PTPN21: variants seen among roughly 807,000 people sequenced by gnomAD.
The protein encoded by PTPN21 is protein tyrosine phosphatase non-receptor type 21, also known as tyrosine-protein phosphatase non-receptor type 21.
In PTPN21, 77 loss-of-function variants were observed where a neutral mutation model predicts 131.8. That is an observed-to-expected ratio of 0.58 (90% CI 0.49 to 0.71). PTPN21 has a LOEUF of 0.71. Ranked by LOEUF, PTPN21 falls within the 30% of genes least tolerant of loss-of-function variation. PTPN21 has a pLI of 0.00. For missense variants in PTPN21, 1,552 were observed against 1,527.1 expected (o/e 1.02, Z -0.27); for synonymous variants, 715 against 621.3 (o/e 1.15, Z -2.24).
chr14:88,540,328 T>C (rs564191000), intron 2 of PTPN21, among the ~76,000 whole-genome samples: 1 of 152,340 alleles, frequency 6.6e-6, no homozygotes, highest in South Asian at 2.1e-4. Context: ...GGGTTACACA[T>C]ATGTAAAGCA....
rs778509092 is a variant in PTPN21, at chr14:88,479,283, G to C, written c.2148C>G (p.Asp716Glu). ...CCCCGCTCTCCTCCTCGAAGTCCTCGTCCTCCTCCTCCTCGCTGCTGTGGA... is the reference window on the plus strand; with the variant it reads ...CCCCGCTCTCCTCCTCGAAGTCCTCCTCCTCCTCCTCCTCGCTGCTGTGGA... Reference protein sequence around the residue: ...MLIHSSEEEEDEDFEEESGAR... With the variant: ...MLIHSSEEEEEEDFEEESGAR... The change falls in exon 13 of 19, where the codon GAC becomes GAG. Residue 716 changes from aspartate (D) to glutamate (E), a missense_variant. By Grantham distance (45) the Asp-to-Glu change is conservative (BLOSUM62 2). Around this residue, in one of 4 missense-constraint regions of PTPN21, gnomAD observed 1,016 missense variants for 883.5 expected, o/e 1.15. Transcript: ENST00000556564. The C allele has an allele frequency of 1.9e-6, 3 of 1,604,588 alleles. No individual in the cohort carries two copies. Among genetic ancestry groups the C allele is most frequent in the South Asian group, 1.1e-5 (1 of 90,176 alleles).
intron 2 of PTPN21, among the ~76,000 whole-genome samples, chr14:88,521,061 G>C (rs1279590036): frequency 1.3e-5 from 2 of 151,666 alleles, no homozygotes; most frequent in Non-Finnish European, 2.9e-5. Flanking sequence ...TGCCCAGGCT[G>C]ATCTTAAACT....
chr14:88,552,077 GGA>G (rs2078877437), intron 1 of PTPN21: 1 of 152,210 alleles, frequency 6.6e-6, no homozygotes, highest in Admixed American at 6.5e-5. Context: ...GGGACCGCGC[GGA>G]GAGGCAAGAT....
rs564911908 is a variant in PTPN21, at chr14:88,549,614, A to T, written c.180+624T>A. 4.0e-5 allele frequency among the ~76,000 whole-genome samples: 6 copies of T among 151,628 alleles called. No individual in the cohort carries two copies. The East Asian group carries it at 1.2e-3, about 29-fold the overall frequency. On this transcript the variant is annotated intron_variant, in intron 2 of 18. Transcript: ENST00000556564. The stretch of plus-strand genomic sequence containing the variant: ...GTCGTGTTTTTTTTATTTATTTTTA[A>T]TTTTTTTTGAGACAGAGTTTGTTGC...
intron 2 of PTPN21, among the ~76,000 whole-genome samples, chr14:88,542,277 A>T (rs2078717917): frequency 6.6e-6 from 1 of 152,224 alleles, no homozygotes; most frequent in African/African-American, 2.4e-5. Flanking sequence ...CAGAAAGTCA[A>T]AGCTTCTAGA....
intron 6 of PTPN21, among the ~76,000 whole-genome samples, chr14:88,501,871 G>C (rs2078013828): frequency 6.6e-6 from 1 of 151,960 alleles, no homozygotes; most frequent in Admixed American, 6.6e-5. Flanking sequence ...TATAGTCCCA[G>C]CAGCTTGGAA....
rs765043369 is a variant in PTPN21 at position 88,501,265 on chromosome 14, G to A, written c.675+16C>T. 24 of 1,596,050 alleles carry A rather than the reference G, an allele frequency of 1.5e-5. No individual in the cohort carries two copies. Among genetic ancestry groups the A allele is most frequent in the South Asian group, 6.6e-5 (6 of 90,360 alleles). ...AGCCTAACTTTAAAGAGCCCCAGCC[G>A]CCAAGCCACACTTACCTTAGCAGGG... is the stretch of plus-strand genomic sequence containing the variant. On this transcript the variant is annotated intron_variant, in intron 7 of 18. Transcript: ENST00000556564.
At chr14:88,519,042 G>T (rs1234395419) in intron 2 of PTPN21, among the ~76,000 whole-genome samples, 2 of 151,956 alleles carry the variant, frequency 1.3e-5, no homozygotes. Context: ...GACTAATGCA[G>T]TAAAATAACG....
At chr14:88,519,768 T>G (rs1037106277) in intron 2 of PTPN21, among the ~76,000 whole-genome samples, 7 of 152,220 alleles carry the variant, frequency 4.6e-5, no homozygotes, top group Non-Finnish European at 1.0e-4. Flanking sequence ...TTTTGTTGAA[T>G]GTAAAGAAGG....
intron 12 of PTPN21, among the ~76,000 whole-genome samples, chr14:88,481,599 G>A (rs1028974591): frequency 1.3e-5 from 2 of 152,242 alleles, no homozygotes; most frequent in Non-Finnish European, 2.9e-5. Context: ...GGAAAGGTAT[G>A]CATGAAATCA....
At chr14:88,548,518 A>G (rs965612268) in intron 2 of PTPN21, among the ~76,000 whole-genome samples, 3 of 152,136 alleles carry the variant, frequency 2.0e-5, no homozygotes, top group African/African-American at 7.2e-5. Flanking sequence ...CCTCTGGCCT[A>G]TAGCACACCC....
chr14:88,524,651 A>G (rs1123421), intron 2 of PTPN21, among the ~76,000 whole-genome samples: 37,521 of 152,126 alleles, frequency 0.25, 4,732 homozygotes, highest in East Asian at 0.32. Flanking sequence ...TGATGCCTGT[A>G]ATCCTAGCAC....
At chr14:88,518,414 A>ATTT (rs869305749) in intron 2 of PTPN21, among the ~76,000 whole-genome samples, 2 of 10,790 alleles carry the variant, frequency 1.9e-4, no homozygotes, top group Non-Finnish European at 1.9e-4. Context: ...ATATATATAT[A>ATTT]TTTTTTTTTT....
chr14:88,520,720 T>C (rs1204508114), intron 2 of PTPN21, among the ~76,000 whole-genome samples: 1 of 152,120 alleles, frequency 6.6e-6, no homozygotes, highest in African/African-American at 2.4e-5. Context: ...AGGAGTGAAA[T>C]GGTAAAGTCA....
Position 88,473,805 on chromosome 14 carries a change from G to A in PTPN21, c.2512-3C>T. 1 of 1,599,810 alleles carries A rather than the reference G, an allele frequency of 6.3e-7. No individual in the cohort carries two copies. Among genetic ancestry groups the A allele is most frequent in the Non-Finnish European group, 8.5e-7 (1 of 1,176,308 alleles). ...TCTACTCGAGTCTTTTTCATTCCCT[G>A]TAAAAGGATTTATATGTATATATGA... On this transcript the variant is annotated splice_region_variant and splice_polypyrimidine_tract_variant and intron_variant, in intron 13 of 18. Transcript: ENST00000556564.
intron 3 of PTPN21, chr14:88,513,805 A>G (rs909526502): frequency 2.0e-5 from 3 of 152,230 alleles, no homozygotes; most frequent in African/African-American, 7.2e-5. Flanking sequence ...TCATTGCCTC[A>G]TATTTCCTTT....
At position 88,480,273 on chromosome 14, in the gene PTPN21, G is replaced by A. The variant is rs750511164; in HGVS notation, c.1158C>T (p.Asn386=). Residue 386 remains asparagine, a synonymous_variant, in exon 13 of 19, where the codon AAC becomes AAT. Coordinates refer to ENST00000556564, the MANE Select transcript of PTPN21 (RefSeq NM_007039.4). ...TSLDRAQIDL[N]GRIRNGSVYS... ...AGACACTGCCATTACGGATCCGACC[G>A]TTGAGGTCAATCTGGGCTCTATCCA... The A allele has an allele frequency of 3.7e-6, 6 of 1,614,042 alleles. No homozygotes were observed. The highest frequency in any genetic ancestry group is 1.1e-5 in the South Asian group (1 of 91,082).
chr14:88,476,599 G>A (rs558163166), intron 13 of PTPN21, among the ~76,000 whole-genome samples: 2 of 152,282 alleles, frequency 1.3e-5, no homozygotes, highest in East Asian at 1.9e-4. Context: ...AGCAGGCAGC[G>A]AAGGGATGAC....
intron 4 of PTPN21, among the ~76,000 whole-genome samples, chr14:88,506,568 G>A (rs1424777071): frequency 1.3e-5 from 2 of 152,024 alleles, no homozygotes; most frequent in East Asian, 3.9e-4. Flanking sequence ...GTGAGACACC[G>A]CACCCAGCCA....
Sources: gnomAD v4.1 joint callset for allele counts (sites outside exome capture counted in the v4.1 genomes callset) on GRCh38, gnomAD v4.1.1 for gene constraint, gnomAD v4.1.1 regional missense constraint, MANE v1.5 for transcripts, NCBI Gene and HGNC (gene_info 2026-07-23, HGNC 2026-07-21) for gene names.